Variants in BATF observed in about 807,000 individuals in gnomAD.
BATF encodes the protein basic leucine zipper transcriptional factor ATF-like.
BATF carries 5 observed loss-of-function variants against 13.7 expected under a neutral mutation model. The ratio of observed to expected loss-of-function variants is 0.36; its 90% confidence interval spans 0.19 to 0.77. The LOEUF (loss-of-function observed/expected upper bound fraction) is 0.77, where lower values mean the gene tolerates loss of function less well. Among genes scored for constraint, BATF ranks in the 30% least tolerant of loss-of-function variants. BATF has a pLI of 0.51. For synonymous variants in BATF, 72 were observed against 67.5 expected (o/e 1.07, Z -0.33); for missense variants, 124 against 163.0 (o/e 0.76, Z 1.30).
chr14:75,544,564 A>T, intron 2 of BATF, among the ~76,000 whole-genome samples: 1 of 80,886 alleles, frequency 1.2e-5, no homozygotes, highest in Admixed American at 1.7e-4. Flanking sequence ...GACTGTCTCA[A>T]AAAAAAAAAA....
chr14:75,545,940 C>G (rs1418011116), intron 2 of BATF, among the ~76,000 whole-genome samples: 2 of 152,100 alleles, frequency 1.3e-5, no homozygotes, highest in African/African-American at 4.8e-5. Flanking sequence ...CTCACTGCAA[C>G]CTCTGCCTCC....
At chr14:75,543,462 A>ACCC (rs147049789) in intron 2 of BATF, among the ~76,000 whole-genome samples, 1 of 149,962 alleles carries the variant, frequency 6.7e-6, no homozygotes, top group South Asian at 2.1e-4. Flanking sequence ...ATTTAGAAAG[A>ACCC]CCCCCCCCAG....
intron 2 of BATF, among the ~76,000 whole-genome samples, chr14:75,531,246 T>C (rs906614041): frequency 6.6e-6 from 1 of 152,236 alleles, no homozygotes; most frequent in African/African-American, 2.4e-5. Context: ...TGATAAAAGA[T>C]GGCAAATCCG....
chr14:75,533,210 T>C (rs751277510), intron 2 of BATF, among the ~76,000 whole-genome samples: 7 of 151,998 alleles, frequency 4.6e-5, no homozygotes, highest in Non-Finnish European at 8.8e-5. Flanking sequence ...GGGCAGATCA[T>C]GAGGTCAGGA....
Position 75,541,453 on chromosome 14 carries a change from G to A in BATF, c.169-5009G>A, listed in dbSNP as rs914298217. ...GACCTGGCTCTGTGTCTGGAGGAAG[G>A]TCTGGCCTCGAGTCAGCCCTTGTCC... On this transcript the variant is annotated intron_variant, in intron 2 of 2. Transcript: ENST00000286639. 2.0e-5 allele frequency among the ~76,000 whole-genome samples: 3 copies of A among 152,160 alleles called. No individual in the cohort carries two copies. The South Asian group carries it at 6.2e-4, about 31-fold the overall frequency.
intron 2 of BATF, among the ~76,000 whole-genome samples, chr14:75,537,054 T>G (rs1464415789): frequency 2.0e-5 from 3 of 152,256 alleles, no homozygotes; most frequent in Admixed American, 6.5e-5. Context: ...TCTTTCTGGT[T>G]GCTTATAAAC....
chr14:75,537,043 T>C (rs1003780032), intron 2 of BATF, among the ~76,000 whole-genome samples: 1 of 129,164 alleles, frequency 7.7e-6, no homozygotes, highest in Non-Finnish European at 1.9e-5. Flanking sequence ...ACACACGTTC[T>C]TCTTTCTGGT....
chr14:75,533,380 A>C (rs1368880261), intron 2 of BATF, among the ~76,000 whole-genome samples: 1 of 150,722 alleles, frequency 6.6e-6, no homozygotes, highest in Admixed American at 6.6e-5. Flanking sequence ...GTGAGCTGAG[A>C]TCACACCACT....
At chr14:75,545,512 G>A (rs747463653) in intron 2 of BATF, among the ~76,000 whole-genome samples, 3 of 150,630 alleles carry the variant, frequency 2.0e-5, no homozygotes, top group East Asian at 2.0e-4. Context: ...TAGGATTATA[G>A]GCATGAGCCA....
chr14:75,543,470 C>CA (rs1566769750), intron 2 of BATF, among the ~76,000 whole-genome samples: 1 of 152,182 alleles, frequency 6.6e-6, no homozygotes, highest in Non-Finnish European at 1.5e-5. Flanking sequence ...AGACCCCCCC[C>CA]AGGATGTGGG....
In BATF at chr14:75,541,698, G is replaced by T. The variant is rs2080255; in HGVS notation, c.169-4764G>T. 5.7e-4 allele frequency among the ~76,000 whole-genome samples: 87 copies of T among 152,344 alleles called. 1 individual carries two copies. In the East Asian group the frequency reaches 9.8e-3, roughly 17 times the overall value. ...TTGTTTTTTGAGACAGAGTCTTGCT[G>T]GGTTGCCCAGGCTGAACTACAATGG... On this transcript the variant is annotated intron_variant, in intron 2 of 2. Transcript: ENST00000286639.
At chr14:75,531,340 A>G (rs1311399398) in intron 2 of BATF, among the ~76,000 whole-genome samples, 1 of 152,192 alleles carries the variant, frequency 6.6e-6, no homozygotes, top group Non-Finnish European at 1.5e-5. Context: ...AAAGACCAGG[A>G]TCAGTGGAAA....
intron 2 of BATF, 97 bp downstream of exon 2, chr14:75,525,285 G>A: frequency 3.0e-6 from 4 of 1,316,792 alleles, no homozygotes; most frequent in Non-Finnish European, 4.2e-6. Context: ...TGCTTGTGTG[G>A]GGATGTGTAT....
intron 2 of BATF, among the ~76,000 whole-genome samples, chr14:75,533,848 A>T (rs117986001): frequency 6.6e-6 from 1 of 152,146 alleles, no homozygotes. Flanking sequence ...CACATTTCCA[A>T]TGAGGAAACT....
At chr14:75,541,585 T>C (rs1250534511) in intron 2 of BATF, among the ~76,000 whole-genome samples, 1 of 152,208 alleles carries the variant, frequency 6.6e-6, no homozygotes, top group African/African-American at 2.4e-5. Flanking sequence ...TTGTGTTGTG[T>C]TGTGTGTGGG....
chr14:75,537,708 C>T (rs1217562841), intron 2 of BATF, among the ~76,000 whole-genome samples: 3 of 152,046 alleles, frequency 2.0e-5, no homozygotes, highest in Non-Finnish European at 4.4e-5. Flanking sequence ...TAGTAGTGTG[C>T]TTAAATGGAC....
At chr14:75,530,128 G>C (rs2140036382) in intron 2 of BATF, among the ~76,000 whole-genome samples, 1 of 150,934 alleles carries the variant, frequency 6.6e-6, no homozygotes, top group East Asian at 1.9e-4. Flanking sequence ...ACAGAAAAGA[G>C]AAATAAGTGG....
intron 1 of BATF, among the ~76,000 whole-genome samples, chr14:75,523,068 G>T (rs1408575387): frequency 1.3e-5 from 2 of 152,162 alleles, no homozygotes; most frequent in Non-Finnish European, 1.5e-5. Flanking sequence ...GCAGAGAAAA[G>T]AGTCTACTGT....
intron 2 of BATF, among the ~76,000 whole-genome samples, chr14:75,543,215 T>G (rs538435954): frequency 5.1e-4 from 77 of 152,284 alleles, no homozygotes; most frequent in South Asian, 2.5e-3. Flanking sequence ...AATGGTAAAA[T>G]GAATGAGCCG....
Sources: allele counts gnomAD v4.1 joint callset (sites outside exome capture counted in the v4.1 genomes callset), GRCh38; gene constraint gnomAD v4.1.1; transcripts MANE v1.5; gene names NCBI Gene and HGNC (gene_info 2026-07-23, HGNC 2026-07-21).